The following ACTN2 variants were observed in gnomAD, a reference collection of about 807,000 sequenced individuals.
ACTN2 encodes alpha-actinin-2.
A neutral mutation model predicts 113.8 loss-of-function variants in ACTN2; 39 were observed. That is an observed-to-expected ratio of 0.34 (90% CI 0.27 to 0.45). ACTN2 has a LOEUF of 0.45. Among genes scored for constraint, ACTN2 ranks in the 20% least tolerant of loss-of-function variants. ACTN2 has a pLI of 1.00. For synonymous variants in ACTN2, 429 were observed against 444.1 expected (o/e 0.97, Z 0.43); for missense variants, 992 against 1,177.9 (o/e 0.84, Z 2.31).
At chr1:236,720,018 G>A in intron 3 of ACTN2, 87 bp from the exon 4 acceptor site, 1 of 884,622 alleles carries the variant, frequency 1.1e-6, no homozygotes, top group Non-Finnish European at 1.9e-6. Flanking sequence ...TTTTCCAATA[G>A]CTCTGAAGTC....
chr1:236,705,328 A>C (rs1368739066), intron 1 of ACTN2, among the ~76,000 whole-genome samples: 1 of 152,238 alleles, frequency 6.6e-6, no homozygotes, highest in Non-Finnish European at 1.5e-5. Context: ...TTAAAATACA[A>C]TTCTCAAATA....
At chr1:236,721,022 G>GGTTTTTTT (rs1658373894) in intron 4 of ACTN2, among the ~76,000 whole-genome samples, 1 of 66,500 alleles carries the variant, frequency 1.5e-5, no homozygotes, top group Non-Finnish European at 2.6e-5. Flanking sequence ...TTTGTTTTTT[G>GGTTTTTTT]TTTTTTTTTT....
In ACTN2 at chr1:236,762,941, A is replaced by G; in HGVS notation, c.*322A>G. On this transcript the variant is annotated 3_prime_UTR_variant, in exon 21 of 21. Coordinates refer to ENST00000366578, the MANE Select transcript of ACTN2 (RefSeq NM_001103.4). Reference sequence around the variant, plus strand: ...TAGGAGGATCTAGGGACAGAAGGAAAGTGAAAAATGTGAAAATACAAAATA... The same window carrying G: ...TAGGAGGATCTAGGGACAGAAGGAAGGTGAAAAATGTGAAAATACAAAATA... The G allele has an allele frequency of 2.8e-6, 1 of 353,122 alleles. No homozygotes were observed. Among genetic ancestry groups the G allele is most frequent in the Non-Finnish European group, 5.4e-6 (1 of 184,700 alleles). 21.9% of individuals were successfully genotyped at this position (353,122 alleles called of 1,614,324 possible).
At chr1:236,695,567 C>CCCCG (rs1553296755) in intron 1 of ACTN2, among the ~76,000 whole-genome samples, 1 of 98,628 alleles carries the variant, frequency 1.0e-5, no homozygotes, top group African/African-American at 4.1e-5. Flanking sequence ...ATGAGTTCCC[C>CCCCG]CCCCCTGCCC....
Position 236,727,745 on chromosome 1 carries a change from A to G in ACTN2, c.604A>G (p.Lys202Glu). 6.2e-7 allele frequency: 1 copy of G among 1,614,030 alleles called. No homozygotes were observed. Among genetic ancestry groups the G allele is most frequent in the Non-Finnish European group, 8.5e-7 (1 of 1,179,992 alleles). The change falls in exon 6 of 21, where the codon AAG becomes GAG. Residue 202 changes from lysine to glutamate, a missense_variant. Around this residue, in one of 3 missense-constraint regions of ACTN2, gnomAD observed 220 missense variants for 337.5 expected, o/e 0.65. Transcript: ENST00000366578. ...RHRPDLIDYSKLNKDDPIGNI... is the reference protein window; with the variant it reads ...RHRPDLIDYSELNKDDPIGNI... ...CCGGCCTGACCTCATTGACTACTCAAAGCTTAACAAGGTTATTCTGGGTGG... is the reference window on the plus strand; with the variant it reads ...CCGGCCTGACCTCATTGACTACTCAGAGCTTAACAAGGTTATTCTGGGTGG...
At position 236,751,517 on chromosome 1, in the gene ACTN2, G is replaced by C. The variant is rs369560444; in HGVS notation, c.1704G>C (p.Ala568=). The change falls in exon 15 of 21, where the codon GCG becomes GCC. Residue 568 remains alanine, a synonymous_variant. Transcript: ENST00000366578. ...AGTTCAAGGCCACGCTGCCCGAGGC[G>C]GACGGAGAGCGGCAGTCCATCATGG... is the stretch of plus-strand genomic sequence containing the variant. The part of the protein sequence containing the change: ...HEQFKATLPE[A]DGERQSIMAI... 1.9e-6 allele frequency: 3 copies of C among 1,614,004 alleles called. No homozygotes were observed. The highest frequency in any genetic ancestry group is 1.1e-5 in the South Asian group (1 of 91,088).
chr1:236,700,466 C>T (rs1657639794), intron 1 of ACTN2, among the ~76,000 whole-genome samples: 1 of 152,234 alleles, frequency 6.6e-6, no homozygotes, highest in Admixed American at 6.5e-5. Flanking sequence ...TGGCTTACCA[C>T]AGTGCCCAGG....
At chr1:236,734,744 ACAACCCCACATCCTTTCTGTT>A (rs1431084606) in intron 7 of ACTN2, among the ~76,000 whole-genome samples, 1 of 152,156 alleles carries the variant, frequency 6.6e-6, no homozygotes, top group African/African-American at 2.4e-5. Context: ...CTATAGTTAC[ACAACCCCACATCCTTTCTGTT>A]CATAGTCTCT....
intron 12 of ACTN2, among the ~76,000 whole-genome samples, chr1:236,746,275 C>A (rs1363245997): frequency 6.6e-6 from 1 of 151,502 alleles, no homozygotes. Context: ...TAATCCTGGA[C>A]TGTTTTTGAA....
chr1:236,692,312 A>C (rs1398291974), intron 1 of ACTN2, among the ~76,000 whole-genome samples: 2 of 152,260 alleles, frequency 1.3e-5, no homozygotes, highest in African/African-American at 4.8e-5. Flanking sequence ...CCTGGGCTTT[A>C]ATGTCAAGAC....
intron 4 of ACTN2, among the ~76,000 whole-genome samples, chr1:236,725,044 T>G (rs1449486739): frequency 6.6e-6 from 1 of 152,156 alleles, no homozygotes; most frequent in East Asian, 1.9e-4. Flanking sequence ...CAGTTTATTT[T>G]TTCATGTGAG....
intron 19 of ACTN2, among the ~76,000 whole-genome samples, chr1:236,760,401 G>A (rs545172987): frequency 2.6e-5 from 4 of 152,296 alleles, no homozygotes; most frequent in African/African-American, 9.6e-5. Flanking sequence ...CCCATTTAAA[G>A]TGTATACTTC....
intron 8 of ACTN2, chr1:236,736,900 A>T: frequency 1.6e-6 from 1 of 613,440 alleles, no homozygotes; most frequent in Non-Finnish European, 2.9e-6. Context: ...CTACAGTCTA[A>T]TCAGCCTGCC....
At chr1:236,757,697 T>C (rs193152643) in intron 18 of ACTN2, 65 bp downstream of exon 18, 13 of 1,594,084 alleles carry the variant, frequency 8.2e-6, no homozygotes, top group Admixed American at 3.3e-5. Flanking sequence ...TGAAATAATA[T>C]GCATGCTCTC....
chr1:236,763,978 TACAA>T lies in ACTN2; in HGVS notation c.*1369_*1372del, dbSNP rs1354986779. On this transcript the variant is annotated 3_prime_UTR_variant, in exon 21 of 21. Coordinates refer to ENST00000366578, the MANE Select transcript of ACTN2 (RefSeq NM_001103.4). ...AGTCCTTAATGATCAGGAAATGGAT[TACAA>T]ACAAACAAAAACAGTTGCAAACAGC... 6.6e-6 allele frequency: 1 copy of T among 152,186 alleles called. No homozygotes were observed. Among genetic ancestry groups the T allele is most frequent in the Admixed American group, 6.5e-5 (1 of 15,270 alleles). 9.4% of individuals were successfully genotyped at this position (152,186 alleles called of 1,614,324 possible).
At chr1:236,687,263 A>G (rs146092416) in intron 1 of ACTN2, among the ~76,000 whole-genome samples, 1 of 152,214 alleles carries the variant, frequency 6.6e-6, no homozygotes, top group East Asian at 1.9e-4. Flanking sequence ...CATTTATTCA[A>G]TCTTTTGGGT....
Position 236,743,011 on chromosome 1 carries a change from A to C in ACTN2, c.1223A>C (p.Gln408Pro). 1.2e-6 allele frequency: 2 copies of C among 1,614,242 alleles called. No homozygotes were observed. Among genetic ancestry groups the C allele is most frequent in the Non-Finnish European group, 8.5e-7 (1 of 1,180,044 alleles). ...GAACACCTGGCTGAGAAGTTCAGGC[A>C]GAAGGCCTCAACGCACGAGACTTGG... is the stretch of plus-strand genomic sequence containing the variant. ...RLEHLAEKFR[Q>P]KASTHETWAY... The change falls in exon 11 of 21, where the codon CAG (glutamine) becomes CCG (proline). Residue 408 changes from glutamine (Q) to proline (P), a missense_variant. Physicochemically the swap from Gln to Pro is moderately conservative, Grantham distance 76. Coordinates refer to ENST00000366578, the MANE Select transcript of ACTN2 (RefSeq NM_001103.4).
chr1:236,700,001 C>T (rs2102868740), intron 1 of ACTN2, among the ~76,000 whole-genome samples: 1 of 152,208 alleles, frequency 6.6e-6, no homozygotes, highest in East Asian at 1.9e-4. Flanking sequence ...CCCAAGGCCC[C>T]CTACTTCCCA....
intron 11 of ACTN2, 46 bp from the exon 12 acceptor site, chr1:236,744,580 G>T: frequency 6.2e-7 from 1 of 1,609,006 alleles, no homozygotes; most frequent in Non-Finnish European, 8.5e-7. Context: ...TGAGGAAGCC[G>T]CTGTGCCCTC....
Sources: allele counts gnomAD v4.1 joint callset (sites outside exome capture counted in the v4.1 genomes callset), GRCh38; gene constraint gnomAD v4.1.1; regional missense constraint gnomAD v4.1.1; transcripts MANE v1.5; gene names NCBI Gene and HGNC (gene_info 2026-07-23, HGNC 2026-07-21).